PDE4B: variants seen among roughly 807,000 people sequenced by gnomAD.
PDE4B encodes the protein phosphodiesterase 4B.
In PDE4B, 20 loss-of-function variants were observed where a neutral mutation model predicts 82.2. The ratio of observed to expected loss-of-function variants is 0.24; its 90% confidence interval spans 0.17 to 0.35. The LOEUF (loss-of-function observed/expected upper bound fraction) is 0.35, where lower values mean the gene tolerates loss of function less well. PDE4B is among the 10% of genes least tolerant of loss of function. The pLI, the probability that PDE4B is intolerant of heterozygous loss-of-function variation, is 1.00. For missense variants in PDE4B, 655 were observed against 907.2 expected, an observed-to-expected ratio of 0.72 and a Z score of 3.57; for synonymous variants, 320 against 318.9, an observed-to-expected ratio of 1.00 and a Z score of -0.04.
chr1:66,043,160 T>C (rs1446793260), intron 3 of PDE4B, among the ~76,000 whole-genome samples: 1 of 151,682 alleles, frequency 6.6e-6, no homozygotes, highest in Non-Finnish European at 1.5e-5. Flanking sequence ...AAAAGATGAG[T>C]AAGTTTGAGC....
intron 1 of PDE4B, among the ~76,000 whole-genome samples, chr1:65,893,687 G>A (rs200178372): frequency 4.0e-5 from 6 of 151,654 alleles, no homozygotes; most frequent in Non-Finnish European, 7.4e-5. Context: ...TATGAAACAT[G>A]CACACATGTT....
chr1:65,888,628 G>A (rs935230846), intron 1 of PDE4B, among the ~76,000 whole-genome samples: 31 of 152,094 alleles, frequency 2.0e-4, no homozygotes, highest in Admixed American at 1.7e-3. Context: ...TCTTTCGTCA[G>A]TGTTTTGTAG....
chr1:66,348,746 A>G (rs1039987073), intron 8 of PDE4B, among the ~76,000 whole-genome samples: 6 of 151,544 alleles, frequency 4.0e-5, no homozygotes, highest in African/African-American at 1.2e-4. Flanking sequence ...TTTATTTGCT[A>G]AATCTGGCAA....
At chr1:66,068,162 T>C (rs79521179) in intron 3 of PDE4B, among the ~76,000 whole-genome samples, 89 of 150,718 alleles carry the variant, frequency 5.9e-4, no homozygotes, top group Non-Finnish European at 1.0e-3. Context: ...ATATGTATAA[T>C]TGTTCTCGCT....
At chr1:66,352,407 C>G (rs1661903641) in intron 8 of PDE4B, among the ~76,000 whole-genome samples, 1 of 152,158 alleles carries the variant, frequency 6.6e-6, no homozygotes, top group Non-Finnish European at 1.5e-5. Flanking sequence ...ATTTTCAGCC[C>G]TGCAGCTGAG....
At chr1:66,313,029 G>A (rs750653094) in intron 7 of PDE4B, among the ~76,000 whole-genome samples, 9 of 152,054 alleles carry the variant, frequency 5.9e-5, no homozygotes, top group Non-Finnish European at 1.2e-4. Flanking sequence ...TTAAATTCTA[G>A]CAGTGTTCTG....
chr1:65,932,073 T>A (rs1012046795), intron 3 of PDE4B, among the ~76,000 whole-genome samples: 5 of 152,056 alleles, frequency 3.3e-5, no homozygotes, highest in African/African-American at 4.8e-5. Context: ...AATGCCCCAG[T>A]GTTTCTGGGA....
intron 1 of PDE4B, among the ~76,000 whole-genome samples, chr1:65,897,537 G>A (rs1646924687): frequency 6.6e-6 from 1 of 151,926 alleles, no homozygotes; most frequent in Non-Finnish European, 1.5e-5. Flanking sequence ...TCCCCAGTGT[G>A]TATTTTTCCC....
intron 3 of PDE4B, among the ~76,000 whole-genome samples, chr1:66,144,543 T>C (rs539269539): frequency 6.6e-6 from 1 of 152,294 alleles, no homozygotes; most frequent in African/African-American, 2.4e-5. Flanking sequence ...ATATCCGAAA[T>C]GATCCAAAGT....
chr1:66,239,895 A>G (rs985720233), intron 3 of PDE4B, among the ~76,000 whole-genome samples: 15 of 152,260 alleles, frequency 9.9e-5, no homozygotes, highest in Non-Finnish European at 2.9e-5. Context: ...TTTGCAAAAT[A>G]TATTTATCAT....
chr1:66,045,110 C>A (rs1047269182), intron 3 of PDE4B, among the ~76,000 whole-genome samples: 3 of 151,764 alleles, frequency 2.0e-5, no homozygotes, highest in Non-Finnish European at 3.0e-5. Flanking sequence ...ATCTTTGTCA[C>A]GAGGTGGAGC....
chr1:65,954,194 G>A (rs1649143471), intron 3 of PDE4B, among the ~76,000 whole-genome samples: 1 of 152,080 alleles, frequency 6.6e-6, no homozygotes, highest in South Asian at 2.1e-4. Flanking sequence ...ACTGTGCCTG[G>A]CCTCATTAAT....
At chr1:66,020,471 C>T (rs933365137) in intron 3 of PDE4B, among the ~76,000 whole-genome samples, 1 of 151,650 alleles carries the variant, frequency 6.6e-6, no homozygotes, top group Non-Finnish European at 1.5e-5. Context: ...TCCCTCCCCC[C>T]ACCCCATGGA....
intron 3 of PDE4B, among the ~76,000 whole-genome samples, chr1:66,097,643 C>G (rs754427214): frequency 6.6e-6 from 1 of 151,766 alleles, no homozygotes; most frequent in Non-Finnish European, 1.5e-5. Flanking sequence ...ATAGCCTATA[C>G]TTTTTTCTTC....
At chr1:65,831,461 T>C (rs1570987830) in intron 1 of PDE4B, among the ~76,000 whole-genome samples, 1 of 152,136 alleles carries the variant, frequency 6.6e-6, no homozygotes, top group South Asian at 2.1e-4. Context: ...TATTGCAAGA[T>C]AAAAACTATC....
At chr1:65,836,437 G>T (rs1234353328) in intron 1 of PDE4B, among the ~76,000 whole-genome samples, 1 of 152,076 alleles carries the variant, frequency 6.6e-6, no homozygotes, top group African/African-American at 2.4e-5. Flanking sequence ...GACTAGTGAG[G>T]GCTACAGTCT....
Position 66,372,511 on chromosome 1 carries a change from C to A in PDE4B, c.2044C>A (p.Leu682Met). 6.2e-7 allele frequency: 1 copy of A among 1,614,110 alleles called. No homozygotes were observed. The highest frequency in any genetic ancestry group is 8.5e-7 in the Non-Finnish European group (1 of 1,179,994). Residue 682 changes from leucine to methionine, a missense_variant, in exon 17 of 17, where the codon CTG becomes ATG. Physicochemically the swap from Leu to Met is conservative, Grantham distance 15. Transcript: ENST00000341517. ...TCTGATGGAGAAGTTTCAGTTTGAA[C>A]TGACTCTCGATGAGGAAGATTCTGA... Reference protein sequence around the residue: ...QGLMEKFQFELTLDEEDSEGP... With the variant: ...QGLMEKFQFEMTLDEEDSEGP...
At chr1:66,093,471 G>A (rs1645062248) in intron 3 of PDE4B, among the ~76,000 whole-genome samples, 1 of 151,904 alleles carries the variant, frequency 6.6e-6, no homozygotes, top group African/African-American at 2.4e-5. Flanking sequence ...TTCTAAAATT[G>A]TGCTTTTTTT....
chr1:66,159,057 G>A (rs1385142603), intron 3 of PDE4B, among the ~76,000 whole-genome samples: 1 of 152,022 alleles, frequency 6.6e-6, no homozygotes, highest in Non-Finnish European at 1.5e-5. Flanking sequence ...AAAATGTATT[G>A]TATATTTCAA....
Sources: allele counts gnomAD v4.1 joint callset (sites outside exome capture counted in the v4.1 genomes callset), GRCh38; gene constraint gnomAD v4.1.1; transcripts MANE v1.5; gene names NCBI Gene and HGNC (gene_info 2026-07-23, HGNC 2026-07-21).